The following SH3D19 variants were observed in gnomAD, a reference collection of about 807,000 sequenced individuals.
The protein encoded by SH3D19 is SH3 domain containing 19.
SH3D19 carries 58 observed loss-of-function variants against 112.1 expected under a neutral mutation model. The observed-to-expected ratio is 0.52, with a 90% CI of 0.42 to 0.64. The LOEUF (loss-of-function observed/expected upper bound fraction) is 0.64. Among genes scored for constraint, SH3D19 ranks in the 30% least tolerant of loss-of-function variants. The pLI is 0.00. For synonymous variants in SH3D19, 391 were observed against 448.5 expected, an observed-to-expected ratio of 0.87 and a Z score of 1.62; for missense variants, 1,090 against 1,263.4, an observed-to-expected ratio of 0.86 and a Z score of 2.08.
At chr4:151,324,670 A>ATG (rs1204615542) in intron 1 of SH3D19, among the ~76,000 whole-genome samples, 9 of 151,174 alleles carry the variant, frequency 6.0e-5, no homozygotes. Flanking sequence ...GCCCAAATGA[A>ATG]TGGCCTTTTG....
chr4:151,261,879 G>A (rs895517469), intron 1 of SH3D19, among the ~76,000 whole-genome samples: 1 of 152,094 alleles, frequency 6.6e-6, no homozygotes, highest in Non-Finnish European at 1.5e-5. Flanking sequence ...TAGGTGGATA[G>A]GGGAAGGAGA....
chr4:151,304,702 T>G (rs987845683), intron 1 of SH3D19, among the ~76,000 whole-genome samples: 16 of 152,020 alleles, frequency 1.1e-4, no homozygotes, highest in African/African-American at 3.9e-4. Context: ...GAGAATGAGA[T>G]GGTTTGAGGA....
At chr4:151,159,425 T>G (rs1756749641) in intron 8 of SH3D19, 73 bp from the exon 9 acceptor site, 1 of 875,736 alleles carries the variant, frequency 1.1e-6, no homozygotes, top group Non-Finnish European at 1.8e-6. Context: ...GATTGCTGCT[T>G]AGTTTATTAG....
intron 8 of SH3D19, among the ~76,000 whole-genome samples, chr4:151,159,637 C>T (rs568593503): frequency 6.6e-6 from 1 of 152,278 alleles, no homozygotes; most frequent in African/African-American, 2.4e-5. Context: ...AAGTTAGGCT[C>T]TATATTTACA....
chr4:151,137,396 T>C (rs1292638421), intron 14 of SH3D19, among the ~76,000 whole-genome samples: 1 of 152,162 alleles, frequency 6.6e-6, no homozygotes, highest in Non-Finnish European at 1.5e-5. Context: ...GATAAGCTAG[T>C]ATCACTGAAT....
rs1366418974 is a variant in SH3D19, at chr4:151,147,933, T to G, written c.2071A>C (p.Ser691Arg). 1 of 1,607,442 alleles carries G rather than the reference T, an allele frequency of 6.2e-7. No individual in the cohort carries two copies. Among genetic ancestry groups the G allele is most frequent in the Admixed American group, 1.7e-5 (1 of 58,352 alleles). Reference protein sequence around the residue: ...PRPKPGHPLYSKYMRGDVLVM... With the variant: ...PRPKPGHPLYRKYMRGDVLVM... ...AAAGCTAAATTTACCATGTATTTAC[T>G]GTAGAGAGGGTGTCCTGGTTTGGGA... The change falls in exon 11 of 20, where the codon AGT (serine) becomes CGT (arginine). Residue 691 changes from serine (S) to arginine (R), a missense_variant. By Grantham distance (110) the Ser-to-Arg change is moderately radical. Coordinates refer to ENST00000604030, the MANE Select transcript of SH3D19 (RefSeq NM_001378122.1).
intron 1 of SH3D19, among the ~76,000 whole-genome samples, chr4:151,308,892 G>A (rs556009233): frequency 1.3e-5 from 2 of 151,386 alleles, no homozygotes; most frequent in South Asian, 2.1e-4. Flanking sequence ...TTTTTTAGAC[G>A]TCTTGCTCTG....
At chr4:151,282,067 TAG>T in intron 1 of SH3D19, 4 of 1,445,760 alleles carry the variant, frequency 2.8e-6, no homozygotes, top group South Asian at 1.3e-5. Context: ...CTTTCTTGAG[TAG>T]AGACTTAGTG....
chr4:151,273,768 A>G (rs781652187), intron 1 of SH3D19, among the ~76,000 whole-genome samples: 7 of 152,104 alleles, frequency 4.6e-5, no homozygotes, highest in Non-Finnish European at 8.8e-5. Context: ...TCTAAACATG[A>G]TCAGAAGGCA....
At chr4:151,225,369 C>G (rs1768826832) in intron 2 of SH3D19, among the ~76,000 whole-genome samples, 1 of 152,180 alleles carries the variant, frequency 6.6e-6, no homozygotes, top group Admixed American at 6.5e-5. Context: ...TATGAGAAGT[C>G]AGACAATTTT....
chr4:151,139,804 T>A lies in SH3D19; in HGVS notation c.2267A>T (p.His756Leu), dbSNP rs746239652. The change falls in exon 13 of 20, where the codon CAT (histidine) becomes CTT (leucine). Residue 756 changes from histidine to leucine, a missense_variant. His to Leu is a moderately conservative substitution (Grantham distance 99). Transcript: ENST00000604030. ...TGGGAAATCATGAAGAACGACAGCA[T>A]GAGGAGCACCACTGTCAACAGGCTT... ...AQKPVDSGAP[H>L]AVVLHDFPAE... 27 of 1,614,040 alleles carry A rather than the reference T, an allele frequency of 1.7e-5. No homozygotes were observed. Among genetic ancestry groups the A allele is most frequent in the Non-Finnish European group, 6.8e-6 (8 of 1,180,024 alleles).
intron 2 of SH3D19, among the ~76,000 whole-genome samples, chr4:151,220,044 C>T (rs916047374): frequency 7.9e-5 from 12 of 152,162 alleles, no homozygotes; most frequent in Admixed American, 7.2e-4. Context: ...CTCATTGATC[C>T]GTAATGCTGC....
Position 151,275,841 on chromosome 4 carries a change from TATTATTA to T in SH3D19, c.112+49393_112+49399del, listed in dbSNP as rs140054967. 3.0e-3 allele frequency among the ~76,000 whole-genome samples: 202 copies of T among 67,180 alleles called. 4 individuals are homozygous for T. Among genetic ancestry groups the T allele is most frequent in the Admixed American group, 0.025 (179 of 7,290 alleles). 44.1% of individuals were successfully genotyped at this position (67,180 alleles called of 152,430 possible). A position where few individuals can be genotyped will look rare whatever the true frequency, so the allele number is the denominator to read the frequency against. ...CAGCCACTTCTATTATTATTATTATTATTATTATTTTTTTTTTTTTAGACGGAGTCTC... is the reference window on the plus strand; with the variant it reads ...CAGCCACTTCTATTATTATTATTATTTTTTTTTTTTTTTAGACGGAGTCTC... On this transcript the variant is annotated intron_variant, in intron 1 of 19. Coordinates refer to ENST00000604030, the MANE Select transcript of SH3D19 (RefSeq NM_001378122.1).
intron 14 of SH3D19, among the ~76,000 whole-genome samples, chr4:151,135,549 C>G (rs895976943): frequency 5.6e-4 from 85 of 151,426 alleles, no homozygotes; most frequent in African/African-American, 2.1e-3. Context: ...TGCTTTAGCC[C>G]CACAAGTAGC....
chr4:151,135,743 T>C (rs1751707305), intron 14 of SH3D19, among the ~76,000 whole-genome samples: 1 of 152,102 alleles, frequency 6.6e-6, no homozygotes, highest in South Asian at 2.1e-4. Flanking sequence ...CTATACCATA[T>C]TTTCCAGGTT....
In SH3D19 at chr4:151,127,615, G is replaced by T; in HGVS notation, c.3027+3C>A. On this transcript the variant is annotated splice_donor_region_variant and intron_variant, in intron 19 of 19. Coordinates refer to ENST00000604030, the MANE Select transcript of SH3D19 (RefSeq NM_001378122.1). ...GCAGTTATGAAGAGATACACATTCT[G>T]ACCTTGAAGGAAAGTTCATCTTCAT... The T allele has an allele frequency of 6.3e-7, 1 of 1,575,786 alleles. No individual in the cohort carries two copies. Among genetic ancestry groups the T allele is most frequent in the Non-Finnish European group, 8.6e-7 (1 of 1,158,202 alleles).
At chr4:151,138,775 C>T (rs1752407002) in intron 13 of SH3D19, among the ~76,000 whole-genome samples, 2 of 151,426 alleles carry the variant, frequency 1.3e-5, no homozygotes, top group African/African-American at 4.9e-5. Context: ...GCTGAGACAA[C>T]TTTGAAGACA....
At chr4:151,282,014 T>G in intron 1 of SH3D19, 1 of 850,690 alleles carries the variant, frequency 1.2e-6, no homozygotes, top group Admixed American at 2.2e-5. Context: ...CAACCCTAGT[T>G]GAAGTTGGAA....
chr4:151,287,704 G>A (rs987160847), intron 1 of SH3D19, among the ~76,000 whole-genome samples: 1 of 152,074 alleles, frequency 6.6e-6, no homozygotes, highest in Non-Finnish European at 1.5e-5. Context: ...AGACTAGACT[G>A]GGCAACATAG....
Sources: gnomAD v4.1 joint callset for allele counts (sites outside exome capture counted in the v4.1 genomes callset) on GRCh38, gnomAD v4.1.1 for gene constraint, MANE v1.5 for transcripts, NCBI Gene and HGNC (gene_info 2026-07-23, HGNC 2026-07-21) for gene names.